The following FAT1 variants were observed in gnomAD, a reference collection of about 807,000 sequenced individuals.
FAT1 encodes protocadherin Fat 1.
In FAT1, 171 loss-of-function variants were observed where a neutral mutation model predicts 329.8. The observed-to-expected ratio is 0.52, with a 90% CI of 0.46 to 0.59. The LOEUF is 0.59. FAT1 is among the 20% of genes least tolerant of loss of function. FAT1 has a pLI of 0.00. For synonymous variants in FAT1, 2,233 were observed against 2,228.6 expected (o/e 1.00, Z -0.06); for missense variants, 5,672 against 5,774.4 (o/e 0.98, Z 0.57).
intron 17 of FAT1, 103 bp downstream of exon 17, chr4:186,605,967 T>A: frequency 1.8e-6 from 2 of 1,141,686 alleles, no homozygotes; most frequent in Non-Finnish European, 2.5e-6. Context: ...ACGTTTCCCA[T>A]TTTTCTAGAA....
chr4:186,719,287 C>T (rs1003451013), intron 1 of FAT1, among the ~76,000 whole-genome samples: 10 of 152,322 alleles, frequency 6.6e-5, no homozygotes, highest in Non-Finnish European at 1.2e-4. Context: ...CTAAGTTATA[C>T]GATTGGCCTT....
At chr4:186,715,247 A>T (rs1745156757) in intron 1 of FAT1, among the ~76,000 whole-genome samples, 1 of 130,874 alleles carries the variant, frequency 7.6e-6, no homozygotes, top group Non-Finnish European at 1.6e-5. Flanking sequence ...CAGTCCCACC[A>T]CAGCCCCCAC....
chr4:186,694,638 C>T (rs997931198), intron 2 of FAT1, among the ~76,000 whole-genome samples: 2 of 152,092 alleles, frequency 1.3e-5, no homozygotes, highest in South Asian at 4.1e-4. Flanking sequence ...AAGTAAATTG[C>T]ACCTCTCCAC....
At chr4:186,629,273 T>C (rs950022175) in intron 7 of FAT1, among the ~76,000 whole-genome samples, 1 of 152,098 alleles carries the variant, frequency 6.6e-6, no homozygotes, top group Non-Finnish European at 1.5e-5. Flanking sequence ...AAAGAAAAAA[T>C]AAGAAATGTG....
In FAT1 at chr4:186,713,562, T is replaced by G. The variant is rs115791112; in HGVS notation, c.-18-3717A>C. Among the ~76,000 whole-genome samples the G allele has an allele frequency of 7.9e-3, 1,206 of 152,318 alleles. 20 individuals are homozygous for G. Among genetic ancestry groups the G allele is most frequent in the African/African-American group, 0.028 (1,177 of 41,570 alleles). On this transcript the variant is annotated intron_variant, in intron 1 of 26. Transcript: ENST00000441802. ...TATTCTTGGTAAGGAAGTCACTGCA[T>G]GTAGCCCATTCTTAAGAGACAGAGA...
chr4:186,629,201 A>G (rs1740469442), intron 7 of FAT1, among the ~76,000 whole-genome samples: 1 of 152,354 alleles, frequency 6.6e-6, no homozygotes, highest in Admixed American at 6.5e-5. Context: ...TACACTATCC[A>G]AATTTCTCAT....
At chr4:186,695,230 T>C (rs1238720614) in intron 2 of FAT1, among the ~76,000 whole-genome samples, 1 of 152,170 alleles carries the variant, frequency 6.6e-6, no homozygotes, top group African/African-American at 2.4e-5. Context: ...ACAAAAGAAA[T>C]ACTTTTCAAT....
intron 2 of FAT1, among the ~76,000 whole-genome samples, chr4:186,696,855 C>T (rs1744063649): frequency 6.6e-6 from 1 of 152,132 alleles, no homozygotes; most frequent in South Asian, 2.1e-4. Context: ...AAAAACTCGT[C>T]TCTAGTAAAA....
rs1739751015 is a variant in FAT1 at position 186,617,123 on chromosome 4, CT to C, written c.8956del (p.Arg2986GlyfsTer23). 1.2e-6 allele frequency: 2 copies of C among 1,613,840 alleles called. No homozygotes were observed. Among genetic ancestry groups the C allele is most frequent in the Non-Finnish European group, 1.7e-6 (2 of 1,179,806 alleles). On this transcript the variant is annotated frameshift_variant, in exon 11 of 27. Coordinates refer to ENST00000441802, the MANE Select transcript of FAT1 (RefSeq NM_005245.4). LOFTEE classifies it high-confidence loss of function. Reference protein sequence around the residue: ...WKVYVKKPLDREKRDNYLLTI... With the variant: ...WKVYVKKPLDXEKRDNYLLTI... ...AAGAAGGTAATTGTCCCTTTTTTCC[CT>C]GTCTAGAGGTTTCTTCACATATACC...
intron 16 of FAT1, among the ~76,000 whole-genome samples, chr4:186,608,845 G>C (rs192032903): frequency 6.6e-6 from 1 of 151,998 alleles, no homozygotes; most frequent in Non-Finnish European, 1.5e-5. Flanking sequence ...GCAATTCCTC[G>C]CTGGAAATTC....
chr4:186,677,641 T>C (rs537728329), intron 2 of FAT1, among the ~76,000 whole-genome samples: 14 of 152,238 alleles, frequency 9.2e-5, no homozygotes, highest in African/African-American at 3.4e-4. Context: ...CCTCCTACAA[T>C]ACCCAGTATA....
intron 9 of FAT1, among the ~76,000 whole-genome samples, chr4:186,621,995 C>CA (rs2126528981): frequency 6.6e-6 from 1 of 152,186 alleles, no homozygotes; most frequent in Non-Finnish European, 1.5e-5. Flanking sequence ...TGATGAAAAA[C>CA]AAAAAACAGA....
At chr4:186,720,486 C>G (rs1745418491) in intron 1 of FAT1, among the ~76,000 whole-genome samples, 1 of 152,208 alleles carries the variant, frequency 6.6e-6, no homozygotes, top group Non-Finnish European at 1.5e-5. Context: ...CTTTCTATAA[C>G]TTGCTTTGCA....
At chr4:186,662,187 C>T (rs1163152970) in intron 3 of FAT1, among the ~76,000 whole-genome samples, 4 of 152,100 alleles carry the variant, frequency 2.6e-5, no homozygotes, top group South Asian at 2.1e-4. Flanking sequence ...GGTCTGGGAC[C>T]GCCACTAGAG....
At chr4:186,593,606 G>C (rs748795069) in intron 26 of FAT1, among the ~76,000 whole-genome samples, 1 of 152,152 alleles carries the variant, frequency 6.6e-6, no homozygotes, top group African/African-American at 2.4e-5. Flanking sequence ...AGTTACGGCT[G>C]GGGGGAGCTC....
At chr4:186,679,738 G>T (rs922049758) in intron 2 of FAT1, among the ~76,000 whole-genome samples, 1 of 152,182 alleles carries the variant, frequency 6.6e-6, no homozygotes, top group Non-Finnish European at 1.5e-5. Context: ...TTTAGAAGAT[G>T]ATTTTTGAAA....
chr4:186,719,978 G>A (rs1745390615), intron 1 of FAT1, among the ~76,000 whole-genome samples: 1 of 152,156 alleles, frequency 6.6e-6, no homozygotes, highest in Non-Finnish European at 1.5e-5. Context: ...AGCCTGCTAA[G>A]TATATGATTC....
chr4:186,609,725 G>C (rs555452891), intron 15 of FAT1, 76 bp downstream of exon 15: 2 of 1,022,072 alleles, frequency 2.0e-6, no homozygotes, highest in African/African-American at 3.2e-5. Flanking sequence ...ACAAAAACTA[G>C]ATTGATTTTA....
chr4:186,591,858 T>C (rs1738253477), intron 26 of FAT1, among the ~76,000 whole-genome samples: 1 of 152,124 alleles, frequency 6.6e-6, no homozygotes, highest in African/African-American at 2.4e-5. Flanking sequence ...TGTCCTAGCA[T>C]AAAGGATCCC....
Sources: allele counts gnomAD v4.1 joint callset (sites outside exome capture counted in the v4.1 genomes callset), GRCh38; gene constraint gnomAD v4.1.1; transcripts MANE v1.5; gene names NCBI Gene and HGNC (gene_info 2026-07-23, HGNC 2026-07-21).